The following SLC25A13 variants were observed in gnomAD, a reference collection of about 807,000 sequenced individuals.
The protein encoded by SLC25A13 is electrogenic aspartate/glutamate antiporter SLC25A13, mitochondrial.
SLC25A13 carries 70 observed loss-of-function variants against 85.5 expected under a neutral mutation model. The ratio of observed to expected loss-of-function variants is 0.82; its 90% CI spans 0.68 to 1.00. The LOEUF is 1.00. SLC25A13 is among the 50% of genes least tolerant of loss of function. The pLI is 0.00. For missense variants in SLC25A13, 765 were observed against 819.8 expected, an observed-to-expected ratio of 0.93 and a Z score of 0.82; for synonymous variants, 259 against 288.7, an observed-to-expected ratio of 0.90 and a Z score of 1.04.
chr7:96,170,338 T>A (rs919905555), intron 12 of SLC25A13, among the ~76,000 whole-genome samples: 1 of 152,208 alleles, frequency 6.6e-6, no homozygotes, highest in Non-Finnish European at 1.5e-5. Context: ...GCATCACTGA[T>A]GTTTCAGGAG....
intron 13 of SLC25A13, among the ~76,000 whole-genome samples, chr7:96,148,724 G>A (rs1468450102): frequency 6.6e-6 from 1 of 152,182 alleles, no homozygotes; most frequent in Admixed American, 6.5e-5. Context: ...AGGGTAAAAT[G>A]CAAAGTAATC....
chr7:96,277,838 A>G (rs1350871369), intron 2 of SLC25A13, among the ~76,000 whole-genome samples: 7 of 152,154 alleles, frequency 4.6e-5, no homozygotes, highest in African/African-American at 1.7e-4. Context: ...TCATGGAGGC[A>G]AACAACCTAA....
At chr7:96,180,160 G>T (rs982116648) in intron 11 of SLC25A13, among the ~76,000 whole-genome samples, 1 of 151,864 alleles carries the variant, frequency 6.6e-6, no homozygotes, top group Non-Finnish European at 1.5e-5. Flanking sequence ...TCAATGGGCT[G>T]ATTAAAAAAT....
chr7:96,316,869 C>T (rs540288871), intron 1 of SLC25A13, among the ~76,000 whole-genome samples: 5 of 152,202 alleles, frequency 3.3e-5, no homozygotes, highest in Non-Finnish European at 5.9e-5. Flanking sequence ...CACTAAACTA[C>T]CAGGCACACA....
In SLC25A13 at chr7:96,179,532, A is replaced by G. The variant is rs181963155; in HGVS notation, c.1177+4745T>C. On this transcript the variant is annotated intron_variant, in intron 11 of 17. Transcript: ENST00000265631. ...CAGATTACAATGCCCTGTGCTCACT[A>G]AAGTTAGCTCACTGTAGATTTCTGG... is the stretch of plus-strand genomic sequence containing the variant. Among the ~76,000 whole-genome samples the G allele has an allele frequency of 2.8e-3, 429 of 152,336 alleles. 4 individuals carry two copies. Among genetic ancestry groups the G allele is most frequent in the African/African-American group, 9.7e-3 (403 of 41,590 alleles).
chr7:96,124,665 TC>T (rs1791652988), intron 15 of SLC25A13, among the ~76,000 whole-genome samples: 1 of 152,232 alleles, frequency 6.6e-6, no homozygotes, highest in South Asian at 2.1e-4. Flanking sequence ...TTATGAAACT[TC>T]ATATGACTAG....
chr7:96,134,907 G>A (rs1252934288), intron 14 of SLC25A13, among the ~76,000 whole-genome samples: 7 of 151,278 alleles, frequency 4.6e-5, no homozygotes, highest in Non-Finnish European at 1.0e-4. Flanking sequence ...TGTGGTCAAA[G>A]TGTTTATGCA....
At chr7:96,147,415 G>A (rs1012300735) in intron 13 of SLC25A13, among the ~76,000 whole-genome samples, 2 of 152,110 alleles carry the variant, frequency 1.3e-5, no homozygotes, top group South Asian at 2.1e-4. Flanking sequence ...TTTGAACATC[G>A]TGTGTTATTT....
intron 3 of SLC25A13, among the ~76,000 whole-genome samples, chr7:96,275,323 G>C (rs1417419428): frequency 6.6e-6 from 1 of 152,200 alleles, no homozygotes; most frequent in African/African-American, 2.4e-5. Context: ...GGAAGTCAGT[G>C]TGGCAATTCC....
At chr7:96,204,619 CACAAACCTTTAAGGGTTTT>C (rs1238067784) in intron 5 of SLC25A13, among the ~76,000 whole-genome samples, 1 of 152,118 alleles carries the variant, frequency 6.6e-6, no homozygotes, top group African/African-American at 2.4e-5. Flanking sequence ...GGGTTTATGC[CACAAACCTTTAAGGGTTTT>C]TGCTACAAAA....
At chr7:96,181,857 G>C (rs115806715) in intron 11 of SLC25A13, among the ~76,000 whole-genome samples, 1 of 152,034 alleles carries the variant, frequency 6.6e-6, no homozygotes, top group Non-Finnish European at 1.5e-5. Flanking sequence ...TAATTTAAAC[G>C]TAACAGTTTT....
intron 1 of SLC25A13, among the ~76,000 whole-genome samples, chr7:96,298,274 C>T (rs577855673): frequency 5.9e-5 from 9 of 152,306 alleles, no homozygotes; most frequent in African/African-American, 1.7e-4. Flanking sequence ...CTCCTAGGCT[C>T]TCCACTGTCA....
intron 5 of SLC25A13, among the ~76,000 whole-genome samples, chr7:96,203,096 A>G (rs1373317217): frequency 6.6e-6 from 1 of 152,210 alleles, no homozygotes; most frequent in Non-Finnish European, 1.5e-5. Context: ...ACACAATAGT[A>G]GAGTGATCCT....
intron 15 of SLC25A13, among the ~76,000 whole-genome samples, chr7:96,125,660 G>C (rs542359884): frequency 6.6e-6 from 1 of 151,578 alleles, no homozygotes; most frequent in African/African-American, 2.4e-5. Flanking sequence ...CTATGAAACA[G>C]ATGTTAGATT....
At chr7:96,178,190 C>G (rs1008884689) in intron 11 of SLC25A13, among the ~76,000 whole-genome samples, 1 of 152,272 alleles carries the variant, frequency 6.6e-6, no homozygotes, top group Admixed American at 6.5e-5. Flanking sequence ...CAGGAATATA[C>G]TGGGAAGAAG....
At chr7:96,258,842 G>C (rs1797739214) in intron 3 of SLC25A13, among the ~76,000 whole-genome samples, 1 of 152,152 alleles carries the variant, frequency 6.6e-6, no homozygotes, top group Admixed American at 6.5e-5. Flanking sequence ...AACCAAAACA[G>C]CATGGTACTA....
At chr7:96,148,853 C>T (rs148151125) in intron 13 of SLC25A13, among the ~76,000 whole-genome samples, 5 of 152,130 alleles carry the variant, frequency 3.3e-5, no homozygotes, top group East Asian at 1.9e-4. Context: ...CTTCGGTCTC[C>T]CTATTTGTCA....
At chr7:96,259,480 A>G (rs1317323350) in intron 3 of SLC25A13, among the ~76,000 whole-genome samples, 2 of 152,226 alleles carry the variant, frequency 1.3e-5, no homozygotes, top group African/African-American at 4.8e-5. Flanking sequence ...TGGTCATTAG[A>G]GAAATGGAAA....
At chr7:96,287,066 A>G (rs1166027026) in intron 2 of SLC25A13, among the ~76,000 whole-genome samples, 1 of 152,276 alleles carries the variant, frequency 6.6e-6, no homozygotes, top group Non-Finnish European at 1.5e-5. Context: ...CAAAGTAGAC[A>G]GGTTTACAGA....
Sources: gnomAD v4.1 joint callset for allele counts (sites outside exome capture counted in the v4.1 genomes callset) on GRCh38, gnomAD v4.1.1 for gene constraint, MANE v1.5 for transcripts, NCBI Gene and HGNC (gene_info 2026-07-23, HGNC 2026-07-21) for gene names.